The following EYA2 variants were observed in gnomAD, a reference collection of about 807,000 sequenced individuals.
EYA2 encodes protein phosphatase EYA2.
In EYA2, 31 loss-of-function variants were observed where a neutral mutation model predicts 69.2. The ratio of observed to expected loss-of-function variants is 0.45; its 90% CI spans 0.34 to 0.60. The LOEUF (loss-of-function observed/expected upper bound fraction) is 0.60, where lower values mean the gene tolerates loss of function less well. EYA2 is among the 20% of genes least tolerant of loss of function. The pLI, the probability that EYA2 is intolerant of heterozygous loss-of-function variation, is 0.02. For missense variants in EYA2, 622 were observed against 701.2 expected, an observed-to-expected ratio of 0.89 and a Z score of 1.28; for synonymous variants, 257 against 279.4, an observed-to-expected ratio of 0.92 and a Z score of 0.80.
chr20:47,183,936 G>A (rs887910810), intron 15 of EYA2, among the ~76,000 whole-genome samples: 1 of 152,148 alleles, frequency 6.6e-6, no homozygotes, highest in African/African-American at 2.4e-5. Context: ...GGAGGCCTGG[G>A]AAGTGGATTG....
chr20:46,965,977 A>G (rs1334417135), intron 1 of EYA2, among the ~76,000 whole-genome samples: 1 of 152,238 alleles, frequency 6.6e-6, no homozygotes, highest in African/African-American at 2.4e-5. Context: ...GTCTGGAGAG[A>G]AAGCTGGTGC....
At chr20:47,091,055 C>T (rs1459615577) in intron 8 of EYA2, among the ~76,000 whole-genome samples, 1 of 152,176 alleles carries the variant, frequency 6.6e-6, no homozygotes, top group Non-Finnish European at 1.5e-5. Context: ...TATTTATAAT[C>T]TGTATACTTT....
chr20:47,118,345 G>A (rs2032960298), intron 9 of EYA2, among the ~76,000 whole-genome samples: 1 of 152,114 alleles, frequency 6.6e-6, no homozygotes, highest in Non-Finnish European at 1.5e-5. Context: ...TTTCTTTGCA[G>A]CACGGCTGGG....
At chr20:47,182,616 C>T (rs1253876737) in intron 14 of EYA2, among the ~76,000 whole-genome samples, 4 of 37,072 alleles carry the variant, frequency 1.1e-4, no homozygotes, top group Non-Finnish European at 2.0e-4. Flanking sequence ...GCAACAAGAA[C>T]GAGACTCCGT....
At chr20:47,183,508 C>G in intron 15 of EYA2, 117 bp downstream of exon 15, 1 of 806,104 alleles carries the variant, frequency 1.2e-6, no homozygotes, top group Non-Finnish European at 2.0e-6. Flanking sequence ...TCCTCCTTCC[C>G]AGGCTCCTTG....
chr20:46,973,926 A>G (rs1217494587), intron 1 of EYA2, among the ~76,000 whole-genome samples: 1 of 152,204 alleles, frequency 6.6e-6, no homozygotes, highest in Non-Finnish European at 1.5e-5. Context: ...TAATGATGTA[A>G]TTAGAGGAGC....
At chr20:47,137,902 C>T (rs2033512184) in intron 9 of EYA2, among the ~76,000 whole-genome samples, 1 of 150,976 alleles carries the variant, frequency 6.6e-6, no homozygotes, top group South Asian at 2.1e-4. Flanking sequence ...AAAAACTAAA[C>T]AGCGCGTATT....
chr20:47,053,820 C>T (rs2030463782), intron 5 of EYA2, among the ~76,000 whole-genome samples: 2 of 151,620 alleles, frequency 1.3e-5, no homozygotes, highest in Non-Finnish European at 2.9e-5. Context: ...CTTGAGAATA[C>T]GTGGGCTAAA....
In EYA2 at chr20:46,934,621, G is replaced by A. The variant is rs558250491; in HGVS notation, c.-11+39634G>A. Reference sequence around the variant, plus strand: ...GTGAGGATGCTGCTAGGGAAGAGGAGGTGGATGCTGGGCAGGTACAGACAA... The same window carrying A: ...GTGAGGATGCTGCTAGGGAAGAGGAAGTGGATGCTGGGCAGGTACAGACAA... On this transcript the variant is annotated intron_variant, in intron 1 of 15. Coordinates refer to ENST00000327619, the MANE Select transcript of EYA2 (RefSeq NM_005244.5). 5.9e-5 allele frequency among the ~76,000 whole-genome samples: 9 copies of A among 152,292 alleles called. No individual in the cohort carries two copies. The East Asian group carries it at 1.5e-3, about 26-fold the overall frequency.
chr20:47,123,807 A>G (rs1346692001), intron 9 of EYA2, among the ~76,000 whole-genome samples: 1 of 152,022 alleles, frequency 6.6e-6, no homozygotes, highest in Non-Finnish European at 1.5e-5. Flanking sequence ...CCTGGCCAAC[A>G]TGGTGAAACC....
At chr20:47,120,857 AG>A (rs1479581330) in intron 9 of EYA2, among the ~76,000 whole-genome samples, 1 of 152,178 alleles carries the variant, frequency 6.6e-6, no homozygotes, top group African/African-American at 2.4e-5. Flanking sequence ...TTAGTTCTTG[AG>A]TTTGAATTTT....
At chr20:46,898,021 A>G (rs1572053) in intron 1 of EYA2, among the ~76,000 whole-genome samples, 99,560 of 151,916 alleles carry the variant, frequency 0.66, 32,998 homozygotes, top group African/African-American at 0.77. Context: ...CTGGGCACAA[A>G]ATGAAAAGAA....
At position 47,016,245 on chromosome 20, in the gene EYA2, C is replaced by T; in HGVS notation, c.363C>T (p.Ser121=). 1 of 1,614,194 alleles carries T rather than the reference C, an allele frequency of 6.2e-7. No homozygotes were observed. Among genetic ancestry groups the T allele is most frequent in the Non-Finnish European group, 8.5e-7 (1 of 1,180,036 alleles). Residue 121 remains serine (S), a synonymous_variant, in exon 5 of 16, where the codon TCC becomes TCT. Coordinates refer to ENST00000327619, the MANE Select transcript of EYA2 (RefSeq NM_005244.5). Reference sequence around the variant, plus strand: ...AGAGTGGATTCCTCAGCTATGGCTCCAGCTTCAGCACCTCACCCACTGGAC... The same window carrying T: ...AGAGTGGATTCCTCAGCTATGGCTCTAGCTTCAGCACCTCACCCACTGGAC... ...PGQSGFLSYG[S]SFSTSPTGQS... is the part of the protein sequence containing the mutation.
intron 1 of EYA2, among the ~76,000 whole-genome samples, chr20:46,932,005 C>T (rs912631037): frequency 8.6e-5 from 13 of 150,832 alleles, no homozygotes; most frequent in Admixed American, 5.3e-4. Context: ...GGTGCCAGCC[C>T]GGCAGCCAGA....
chr20:46,927,867 G>A (rs745338821), intron 1 of EYA2, among the ~76,000 whole-genome samples: 1 of 152,168 alleles, frequency 6.6e-6, no homozygotes, highest in Non-Finnish European at 1.5e-5. Flanking sequence ...GCTAGTACCT[G>A]TCTCCAAAGG....
chr20:47,123,981 C>CA (rs369234559), intron 9 of EYA2, among the ~76,000 whole-genome samples: 36,706 of 126,798 alleles, frequency 0.29, 4,727 homozygotes, highest in Admixed American at 0.36. Context: ...GATTCCATCT[C>CA]AAAAAAAAAA....
intron 1 of EYA2, among the ~76,000 whole-genome samples, chr20:46,911,351 G>A (rs937085793): frequency 2.0e-4 from 30 of 152,044 alleles, no homozygotes; most frequent in African/African-American, 7.0e-4. Flanking sequence ...TGCTCCAGGC[G>A]CTCACCACCA....
chr20:47,084,706 C>G (rs1027455988), intron 7 of EYA2, among the ~76,000 whole-genome samples: 2 of 152,130 alleles, frequency 1.3e-5, no homozygotes, highest in African/African-American at 4.8e-5. Context: ...ACTACATACC[C>G]ACTGGAATGG....
At position 47,121,576 on chromosome 20, in the gene EYA2, A is replaced by G. The variant is rs529396930; in HGVS notation, c.889-21483A>G. ...TGTAGCATATAATCCATAATCAGAA[A>G]CCTACAGTAGGCAGGAGGATCACTC... On this transcript the variant is annotated intron_variant, in intron 9 of 15. Coordinates refer to ENST00000327619, the MANE Select transcript of EYA2 (RefSeq NM_005244.5). Among the ~76,000 whole-genome samples, 3 of 152,160 alleles carry G rather than the reference A, an allele frequency of 2.0e-5. No homozygotes were observed. In the South Asian group the frequency reaches 6.2e-4, roughly 32 times the overall value.
Sources: allele counts gnomAD v4.1 joint callset (sites outside exome capture counted in the v4.1 genomes callset), GRCh38; gene constraint gnomAD v4.1.1; transcripts MANE v1.5; gene names NCBI Gene and HGNC (gene_info 2026-07-23, HGNC 2026-07-21).